Variants in NPAS3 observed in about 807,000 individuals in gnomAD.
The protein encoded by NPAS3 is neuronal PAS domain protein 3.
Under a neutral mutation model 73.1 loss-of-function variants are expected in NPAS3, and 14 were observed. The observed-to-expected ratio is 0.19, with a 90% CI of 0.13 to 0.30. The LOEUF (loss-of-function observed/expected upper bound fraction) is 0.30. Among genes scored for constraint, NPAS3 ranks in the 10% least tolerant of loss-of-function variants. The pLI is 1.00. For missense variants in NPAS3, 1,096 were observed against 1,250.0 expected (o/e 0.88, Z 1.86); for synonymous variants, 620 against 541.5 (o/e 1.14, Z -2.01).
At chr14:33,044,659 T>TC (rs1425054077) in intron 1 of NPAS3, among the ~76,000 whole-genome samples, 1 of 151,888 alleles carries the variant, frequency 6.6e-6, no homozygotes, top group East Asian at 1.9e-4. Flanking sequence ...AGTTTGTTTT[T>TC]TTTTTTTTTG....
chr14:33,322,520 G>C (rs1275944151), intron 3 of NPAS3, among the ~76,000 whole-genome samples: 3 of 149,452 alleles, frequency 2.0e-5, no homozygotes, highest in Non-Finnish European at 4.4e-5. Flanking sequence ...GTGTGTGTAT[G>C]TGTGTGTGTG....
At chr14:33,181,967 C>T (rs1457538312) in intron 2 of NPAS3, among the ~76,000 whole-genome samples, 2 of 152,084 alleles carry the variant, frequency 1.3e-5, no homozygotes, top group African/African-American at 4.8e-5. Flanking sequence ...CTTGTTTCTC[C>T]GTGGTTCTTT....
intron 4 of NPAS3, among the ~76,000 whole-genome samples, chr14:33,441,253 C>A (rs1017846278): frequency 6.6e-6 from 1 of 152,150 alleles, no homozygotes; most frequent in Non-Finnish European, 1.5e-5. Flanking sequence ...TATGCATATG[C>A]AAATTAGTAT....
intron 7 of NPAS3, among the ~76,000 whole-genome samples, chr14:33,767,931 A>T (rs964330333): frequency 1.3e-5 from 2 of 152,216 alleles, no homozygotes. Context: ...TGAAAGGAGC[A>T]TATGGCAGGA....
At chr14:32,985,106 G>T (rs546584464) in intron 1 of NPAS3, among the ~76,000 whole-genome samples, 1 of 144,992 alleles carries the variant, frequency 6.9e-6, no homozygotes, top group Non-Finnish European at 1.5e-5. Flanking sequence ...ATTCATGGGG[G>T]CCATATGATA....
intron 2 of NPAS3, among the ~76,000 whole-genome samples, chr14:33,141,654 G>T (rs148185643): frequency 6.6e-6 from 1 of 152,054 alleles, no homozygotes; most frequent in Non-Finnish European, 1.5e-5. Context: ...ATACATATAT[G>T]GATATACTAT....
intron 2 of NPAS3, among the ~76,000 whole-genome samples, chr14:33,099,992 A>G (rs905735862): frequency 1.1e-4 from 16 of 152,332 alleles, no homozygotes; most frequent in African/African-American, 3.6e-4. Context: ...ATAGAAAAAG[A>G]ATGAACAAGT....
intron 1 of NPAS3, among the ~76,000 whole-genome samples, chr14:32,970,594 C>T (rs972664325): frequency 2.6e-5 from 4 of 152,110 alleles, no homozygotes; most frequent in East Asian, 1.9e-4. Context: ...TGCAGCCTTA[C>T]GTCTTTTCAT....
Position 33,800,238 on chromosome 14 carries a change from CG to C in NPAS3, c.1933del (p.Val645CysfsTer38), listed in dbSNP as rs2063655459. 6.2e-7 allele frequency: 1 copy of C among 1,612,964 alleles called. No individual in the cohort carries two copies. Among genetic ancestry groups the C allele is most frequent in the African/African-American group, 1.3e-5 (1 of 74,898 alleles). ...CTGCTGTCCTCCCCCAACAGTGCCT[CG>C]GTGCTCAAGATCAAGACGGAGATCT... On this transcript the variant is annotated frameshift_variant, in exon 12 of 12. Transcript: ENST00000356141. LOFTEE classifies it high-confidence loss of function. The surrounding 1 kb of genome is among the most constrained non-coding windows in gnomAD (Gnocchi z 6.5).
intron 6 of NPAS3, among the ~76,000 whole-genome samples, chr14:33,726,022 C>T (rs2140577456): frequency 6.6e-6 from 1 of 152,236 alleles, no homozygotes; most frequent in South Asian, 2.1e-4. Flanking sequence ...CAAAGGCTCA[C>T]CTCTCCTTCT....
intron 5 of NPAS3, among the ~76,000 whole-genome samples, chr14:33,577,263 T>C (rs2056473224): frequency 6.6e-6 from 1 of 152,202 alleles, no homozygotes; most frequent in East Asian, 1.9e-4. Context: ...TTTTTACATA[T>C]AGTTATACCA....
At chr14:33,265,013 C>A (rs563577230) in intron 3 of NPAS3, among the ~76,000 whole-genome samples, 1 of 152,190 alleles carries the variant, frequency 6.6e-6, no homozygotes, top group East Asian at 1.9e-4. Context: ...GAAAGGCAGG[C>A]ACAGAGTGAG....
intron 5 of NPAS3, among the ~76,000 whole-genome samples, chr14:33,661,106 A>G (rs1187644468): frequency 2.0e-5 from 3 of 151,996 alleles, no homozygotes; most frequent in Non-Finnish European, 4.4e-5. Flanking sequence ...GGAAAAAAAA[A>G]AAAAAAAAGA....
At chr14:33,108,266 T>C (rs2042783029) in intron 2 of NPAS3, among the ~76,000 whole-genome samples, 1 of 150,674 alleles carries the variant, frequency 6.6e-6, no homozygotes, top group Non-Finnish European at 1.5e-5. Flanking sequence ...TAATCTTGGC[T>C]CACTGCAACC....
At chr14:33,707,994 A>C (rs2060705853) in intron 6 of NPAS3, among the ~76,000 whole-genome samples, 1 of 152,202 alleles carries the variant, frequency 6.6e-6, no homozygotes, top group Non-Finnish European at 1.5e-5. Flanking sequence ...GCCACAGTAG[A>C]AATTACATTT....
intron 2 of NPAS3, among the ~76,000 whole-genome samples, chr14:33,154,473 A>T (rs572098423): frequency 1.1e-3 from 167 of 152,332 alleles, no homozygotes; most frequent in Non-Finnish European, 1.5e-3. Context: ...TTCGTGGTTT[A>T]TAGGTCACCT....
intron 4 of NPAS3, among the ~76,000 whole-genome samples, chr14:33,494,704 TTC>T (rs1479444856): frequency 1.3e-5 from 2 of 152,124 alleles, no homozygotes; most frequent in Non-Finnish European, 2.9e-5. Flanking sequence ...AGGTATATAT[TTC>T]TGTTTCCCTA....
intron 10 of NPAS3, among the ~76,000 whole-genome samples, chr14:33,796,970 A>C (rs1347219887): frequency 6.6e-6 from 1 of 151,988 alleles, no homozygotes; most frequent in Non-Finnish European, 1.5e-5. Flanking sequence ...TCTGTCAGAT[A>C]GGCACCAAAG....
intron 3 of NPAS3, among the ~76,000 whole-genome samples, chr14:33,340,952 C>A (rs1420864900): frequency 6.6e-6 from 1 of 152,224 alleles, no homozygotes; most frequent in Non-Finnish European, 1.5e-5. Flanking sequence ...CAAACAAACA[C>A]AAAAAAGAAC....
Sources: allele counts gnomAD v4.1 joint callset (sites outside exome capture counted in the v4.1 genomes callset), GRCh38; gene constraint gnomAD v4.1.1; non-coding constraint Gnocchi (gnomAD v3.1); transcripts MANE v1.5; gene names NCBI Gene and HGNC (gene_info 2026-07-23, HGNC 2026-07-21).